The following FAT3 variants were observed in gnomAD, a reference collection of about 807,000 sequenced individuals.
FAT3 encodes the protein protocadherin Fat 3.
A neutral mutation model predicts 310.2 loss-of-function variants in FAT3; 95 were observed. The observed-to-expected ratio is 0.31, with a 90% CI of 0.26 to 0.36. FAT3 has a LOEUF of 0.36. Among genes scored for constraint, FAT3 ranks in the 10% least tolerant of loss-of-function variants. The pLI is 1.00. For synonymous variants in FAT3, 2,314 were observed against 2,192.9 expected, an observed-to-expected ratio of 1.06 and a Z score of -1.54; for missense variants, 5,408 against 5,715.6, an observed-to-expected ratio of 0.95 and a Z score of 1.74.
chr11:92,752,338 A>G (rs1457138851), intron 4 of FAT3, among the ~76,000 whole-genome samples: 4 of 152,254 alleles, frequency 2.6e-5, no homozygotes, highest in African/African-American at 7.2e-5. Flanking sequence ...ACCTTTGACT[A>G]TACAAGGCTC....
chr11:92,545,479 GAATA>G (rs572310355), intron 3 of FAT3, among the ~76,000 whole-genome samples: 2 of 152,142 alleles, frequency 1.3e-5, no homozygotes, highest in Non-Finnish European at 2.9e-5. Context: ...TTTGTTGAAT[GAATA>G]AATGAATGAA....
chr11:92,890,351 C>G, intron 27 of FAT3, 140 bp from the exon 28 acceptor site: 1 of 1,009,804 alleles, frequency 9.9e-7, no homozygotes. Context: ...GCATGGCTGG[C>G]CCCATAGACC....
At chr11:92,251,960 C>A (rs1454471819) in intron 1 of FAT3, among the ~76,000 whole-genome samples, 5 of 152,264 alleles carry the variant, frequency 3.3e-5, no homozygotes, top group Admixed American at 2.0e-4. Context: ...GAAACCATAT[C>A]TTTTCTTCTA....
chr11:92,548,413 T>A (rs1328376560), intron 3 of FAT3, among the ~76,000 whole-genome samples: 1 of 152,212 alleles, frequency 6.6e-6, no homozygotes, highest in East Asian at 1.9e-4. Context: ...TCTGATTAAA[T>A]ACAAGGACAT....
At chr11:92,442,948 A>G (rs1466473881) in intron 2 of FAT3, among the ~76,000 whole-genome samples, 1 of 152,182 alleles carries the variant, frequency 6.6e-6, no homozygotes, top group Non-Finnish European at 1.5e-5. Flanking sequence ...AACAACTGAA[A>G]CCGTGCATGA....
chr11:92,333,327 C>T (rs1947966725), intron 1 of FAT3, among the ~76,000 whole-genome samples: 1 of 152,086 alleles, frequency 6.6e-6, no homozygotes, highest in Non-Finnish European at 1.5e-5. Context: ...AATAGTGATT[C>T]CTGTGTGTTT....
In FAT3 at chr11:92,786,779, AT is replaced by A. The variant is rs1440048994; in HGVS notation, c.4336-3163del. 2.6e-5 allele frequency among the ~76,000 whole-genome samples: 4 copies of A among 152,324 alleles called. No individual in the cohort carries two copies. In the East Asian group the frequency reaches 7.7e-4, roughly 29 times the overall value. On this transcript the variant is annotated intron_variant, in intron 7 of 27. Transcript: ENST00000525166. ...AGAACCAAATATATGCTAGCAAAAA[AT>A]ATTTTAAAAATGGGCACAAGGCTCT...
chr11:92,670,081 A>G (rs1943081953), intron 3 of FAT3, among the ~76,000 whole-genome samples: 1 of 152,210 alleles, frequency 6.6e-6, no homozygotes, highest in Non-Finnish European at 1.5e-5. Flanking sequence ...TTTTCTGGCT[A>G]GAAGATAACA....
intron 2 of FAT3, among the ~76,000 whole-genome samples, chr11:92,365,025 C>A (rs1189709557): frequency 6.6e-6 from 1 of 152,098 alleles, no homozygotes; most frequent in Non-Finnish European, 1.5e-5. Flanking sequence ...TTTGGGAGGC[C>A]AAGGCAGGAG....
chr11:92,524,831 G>T lies in FAT3; in HGVS notation c.3490G>T (p.Asp1164Tyr). 7.4e-6 allele frequency: 12 copies of T among 1,613,802 alleles called. No individual in the cohort carries two copies. Among genetic ancestry groups the T allele is most frequent in the Non-Finnish European group, 1.0e-5 (12 of 1,179,822 alleles). ...YPVVMENSPK[D>Y]VSVIQIQAED... ...TGTTGTCATGGAAAACTCTCCAAAG[G>T]ACGTATCTGTCATTCAGATCCAGGC... The change falls in exon 3 of 28, where the codon GAC becomes TAC. Residue 1164 changes from aspartate (D) to tyrosine (Y), a missense_variant. Asp to Tyr is a radical substitution (Grantham distance 160). Around this residue, in one of 5 missense-constraint regions of FAT3, gnomAD observed 4,588 missense variants for 4,809.8 expected, o/e 0.95. Coordinates refer to ENST00000525166, the MANE Select transcript of FAT3 (RefSeq NM_001367949.2).
At chr11:92,795,771 A>G (rs770169705) in intron 9 of FAT3, among the ~76,000 whole-genome samples, 5 of 152,054 alleles carry the variant, frequency 3.3e-5, no homozygotes, top group Admixed American at 6.6e-5. Flanking sequence ...AGCCAGGTGT[A>G]GTGGTGCCTG....
intron 19 of FAT3, among the ~76,000 whole-genome samples, chr11:92,850,064 T>C (rs898536820): frequency 9.2e-5 from 14 of 152,134 alleles, no homozygotes; most frequent in Non-Finnish European, 5.9e-5. Context: ...TTAAAACATG[T>C]TCGTGATGTG....
intron 8 of FAT3, among the ~76,000 whole-genome samples, chr11:92,792,322 A>C (rs1377357367): frequency 6.6e-6 from 1 of 152,212 alleles, no homozygotes; most frequent in East Asian, 1.9e-4. Context: ...AGGTGACAAT[A>C]AATGTTAGTT....
rs1391944905 is a variant in FAT3 at position 92,319,468 on chromosome 11, C to T, written c.-17-32628C>T. On this transcript the variant is annotated intron_variant, in intron 1 of 27. Coordinates refer to ENST00000525166, the MANE Select transcript of FAT3 (RefSeq NM_001367949.2). The stretch of plus-strand genomic sequence containing the variant: ...CAACAATAAACCATTGTTTCTTCAA[C>T]TCATGTTTTAAAAAGTCATTATAAA... 2.0e-5 allele frequency among the ~76,000 whole-genome samples: 3 copies of T among 152,178 alleles called. No homozygotes were observed. In the East Asian group the frequency reaches 5.8e-4, roughly 29 times the overall value.
chr11:92,809,883 C>T lies in FAT3; in HGVS notation c.9288C>T (p.Ile3096=). The part of the protein sequence containing the change: ...KTLALLDRER[I]PVYSLMAKAT... ...TGGCTCTGTTGGACCGGGAGAGGAT[C>T]CCCGTGTACAGCCTGATGGCCAAGG... Residue 3096 remains isoleucine, a synonymous_variant, in exon 13 of 28, where the codon ATC becomes ATT. Transcript: ENST00000525166. 1.2e-6 allele frequency: 2 copies of T among 1,613,946 alleles called. No homozygotes were observed. Among genetic ancestry groups the T allele is most frequent in the East Asian group, 2.2e-5 (1 of 44,870 alleles).
In FAT3 at chr11:92,882,906, G is replaced by A. The variant is rs748666876; in HGVS notation, c.12450G>A (p.Val4150=). Reference sequence around the variant, plus strand: ...ATATCCAGGCTGGCCACTCCTACGTGGGGAAGGAGGAGCTCATCGGCATCG... The same window carrying A: ...ATATCCAGGCTGGCCACTCCTACGTAGGGAAGGAGGAGCTCATCGGCATCG... ...VPNIQAGHSY[V]GKEELIGIAV... Residue 4150 remains valine, a synonymous_variant, in exon 24 of 28, where the codon GTG becomes GTA. Transcript: ENST00000525166. 7 of 1,612,648 alleles carry A rather than the reference G, an allele frequency of 4.3e-6. No homozygotes were observed. The Admixed American group carries it at 6.7e-5, about 15-fold the overall frequency.
At position 92,837,649 on chromosome 11, in the gene FAT3, T is replaced by C; in HGVS notation, c.10225-14T>C. 6.2e-7 allele frequency: 1 copy of C among 1,613,260 alleles called. No individual in the cohort carries two copies. Among genetic ancestry groups the C allele is most frequent in the Non-Finnish European group, 8.5e-7 (1 of 1,179,514 alleles). The stretch of plus-strand genomic sequence containing the variant: ...GCTACACCTCTTTACTGTCACCTCT[T>C]TGTACCTTGGCAGGTGTCTGGATAC... On this transcript the variant is annotated splice_polypyrimidine_tract_variant and intron_variant, in intron 16 of 27. Coordinates refer to ENST00000525166, the MANE Select transcript of FAT3 (RefSeq NM_001367949.2).
At chr11:92,586,649 AT>A (rs138356480) in intron 3 of FAT3, among the ~76,000 whole-genome samples, 44,186 of 151,794 alleles carry the variant, frequency 0.29, 6,754 homozygotes, top group Non-Finnish European at 0.33. Context: ...ATAAATTTAA[AT>A]TTTTGGAATT....
Position 92,388,251 on chromosome 11 carries a change from G to A in FAT3, c.3292+32847G>A, listed in dbSNP as rs1038275973. On this transcript the variant is annotated intron_variant, in intron 2 of 27. Transcript: ENST00000525166. ...GGAACTGTGCCCTCACCTTGTGGCTGAATCTATCTGGTGCTGCTCTTCCTT... is the reference window on the plus strand; with the variant it reads ...GGAACTGTGCCCTCACCTTGTGGCTAAATCTATCTGGTGCTGCTCTTCCTT... Among the ~76,000 whole-genome samples, 2 of 152,120 alleles carry A rather than the reference G, an allele frequency of 1.3e-5. 1 individual carries two copies. The highest frequency in any genetic ancestry group is 4.1e-4 in the South Asian group (2 of 4,822).
Sources: allele counts gnomAD v4.1 joint callset (sites outside exome capture counted in the v4.1 genomes callset), GRCh38; gene constraint gnomAD v4.1.1; regional missense constraint gnomAD v4.1.1; transcripts MANE v1.5; gene names NCBI Gene and HGNC (gene_info 2026-07-23, HGNC 2026-07-21).